Variants in CLUL1 observed in about 807,000 individuals in gnomAD.
The protein encoded by CLUL1 is clusterin-like protein 1.
CLUL1 carries 43 observed loss-of-function variants against 49.4 expected under a neutral mutation model. That is an observed-to-expected ratio of 0.87 (90% CI 0.68 to 1.12). The LOEUF is 1.12. CLUL1 is among the 50% of genes most tolerant of loss of function. The pLI, the probability that CLUL1 is intolerant of heterozygous loss-of-function variation, is 0.00. For synonymous variants in CLUL1, 192 were observed against 184.9 expected (o/e 1.04, Z -0.31); for missense variants, 486 against 544.4 (o/e 0.89, Z 1.07).
Position 606,388 on chromosome 18 carries a change from C to T in CLUL1, c.-135-590C>T, listed in dbSNP as rs1401164069. Among the ~76,000 whole-genome samples the T allele has an allele frequency of 6.6e-6, 1 of 152,232 alleles. No individual in the cohort carries two copies. Among genetic ancestry groups the T allele is most frequent in the African/African-American group, 2.4e-5 (1 of 41,462 alleles). The stretch of plus-strand genomic sequence containing the variant: ...TGTCACCAACCTTTCTCTGAGGGAA[C>T]CTACTGGCCACCTCCCTCTTAGGAC... On this transcript the variant is annotated intron_variant, in intron 1 of 9. Coordinates refer to ENST00000692774, the MANE Select transcript of CLUL1 (RefSeq NM_001393344.1). This position sits in a 1 kb window ranked among gnomAD's most constrained non-coding sequence, Gnocchi z 4.1.
chr18:626,861 A>C (rs1050516561), intron 5 of CLUL1, among the ~76,000 whole-genome samples: 1 of 107,386 alleles, frequency 9.3e-6, no homozygotes, highest in Non-Finnish European at 1.9e-5. Context: ...ACTCCATCTC[A>C]AATAAGAAAG....
chr18:611,757 A>G (rs1320156495), intron 2 of CLUL1, among the ~76,000 whole-genome samples: 1 of 152,190 alleles, frequency 6.6e-6, no homozygotes, highest in Non-Finnish European at 1.5e-5. Context: ...AGTAAGAAAG[A>G]GGATAGAAAG....
At chr18:649,846 T>G (rs3198760) in intron 9 of CLUL1, 52 bp from the exon 10 acceptor site, 1 of 1,148,578 alleles carries the variant, frequency 8.7e-7, no homozygotes, top group Non-Finnish European at 1.3e-6. Context: ...ACTGAGTCTG[T>G]GAGTAATTTA....
intron 4 of CLUL1, among the ~76,000 whole-genome samples, chr18:622,637 T>C (rs2073526523): frequency 6.6e-6 from 1 of 152,208 alleles, no homozygotes; most frequent in South Asian, 2.1e-4. Flanking sequence ...CTTCCAAAAC[T>C]TGGGACCTGT....
At chr18:621,026 A>G (rs1415745785) in intron 4 of CLUL1, among the ~76,000 whole-genome samples, 1 of 152,188 alleles carries the variant, frequency 6.6e-6, no homozygotes, top group East Asian at 1.9e-4. Context: ...TAAAATACAT[A>G]TAACAAAATT....
rs182875628 is a variant in CLUL1 at position 632,006 on chromosome 18, A to G, written c.857-1292A>G. ...ATGCCATTCTATCGAACAGTGCTTC[A>G]CTGTTTTTAAACTATGGACTTTGCA... On this transcript the variant is annotated intron_variant, in intron 6 of 9. Transcript: ENST00000692774. Among the ~76,000 whole-genome samples, 287 of 152,318 alleles carry G rather than the reference A, an allele frequency of 1.9e-3. 5 individuals are homozygous for G. In the South Asian group the frequency reaches 0.029, roughly 16 times the overall value.
intron 8 of CLUL1, among the ~76,000 whole-genome samples, chr18:643,007 T>C (rs1220389242): frequency 1.3e-5 from 2 of 152,228 alleles, no homozygotes; most frequent in Admixed American, 6.5e-5. Flanking sequence ...ATTAGACTTA[T>C]GGCATTCTAT....
chr18:617,932 C>T, intron 2 of CLUL1, 56 bp from the exon 3 acceptor site: 1 of 1,475,150 alleles, frequency 6.8e-7, no homozygotes, highest in Non-Finnish European at 9.4e-7. Flanking sequence ...CAATTGATGC[C>T]AACAGAAACT....
At chr18:628,166 C>G (rs1172146601) in intron 6 of CLUL1, among the ~76,000 whole-genome samples, 1 of 152,216 alleles carries the variant, frequency 6.6e-6, no homozygotes, top group Non-Finnish European at 1.5e-5. Flanking sequence ...ATGCTCAGCT[C>G]TATTCTGCTA....
chr18:597,215 C>T (rs1024585952), intron 1 of CLUL1, 86 bp downstream of exon 1: 3 of 152,888 alleles, frequency 2.0e-5, no homozygotes, highest in African/African-American at 7.2e-5. Context: ...GCTCCCAAGT[C>T]CAAGGCCGAG....
Position 607,092 on chromosome 18 carries a change from GACT to G in CLUL1, c.-18_-16del, listed in dbSNP as rs1441168540. On this transcript the variant is annotated 5_prime_UTR_variant, in exon 2 of 10. Transcript: ENST00000692774. ...CTACCTCAGCCCCATGAGGACCTGG[GACT>G]ACAGGTATGCACCGCTATACCCGTC... The G allele has an allele frequency of 1.4e-6, 1 of 701,748 alleles. No homozygotes were observed. Among genetic ancestry groups the G allele is most frequent in the Non-Finnish European group, 2.6e-6 (1 of 384,714 alleles). The allele number at this position is 701,748 out of a possible 1,614,324, so 43.5% of individuals were successfully genotyped here. A position where few individuals can be genotyped will look rare whatever the true frequency, so the allele number is the denominator to read the frequency against.
rs867957614 is a variant in CLUL1 at position 633,356 on chromosome 18, T to A, written c.915T>A (p.Cys305Ter). Residue 305 changes from cysteine to a stop codon, truncating the protein, a stop_gained, in exon 7 of 10, where the codon TGT becomes TGA. Transcript: ENST00000692774. LOFTEE classifies it high-confidence loss of function. ...KMLPGQDRGL[C>*]GELDQNLSRC... is the part of the protein sequence containing the mutation. Reference sequence around the variant, plus strand: ...TACCTGGGCAGGACAGAGGACTGTGTGGGGAACTTGACCAGAATTTGTCAA... The same window carrying A: ...TACCTGGGCAGGACAGAGGACTGTGAGGGGAACTTGACCAGAATTTGTCAA... 10 of 1,613,856 alleles carry A rather than the reference T, an allele frequency of 6.2e-6. No individual in the cohort carries two copies. The highest frequency in any genetic ancestry group is 3.3e-4 in the Middle Eastern group (2 of 6,060).
At chr18:645,271 A>C (rs936451977) in intron 9 of CLUL1, 174 bp downstream of exon 9, 16 of 483,844 alleles carry the variant, frequency 3.3e-5, no homozygotes, top group Admixed American at 8.1e-5. Flanking sequence ...TTAAAAAAAA[A>C]CCCAGGAAAT....
chr18:597,938 C>T (rs551285457), intron 1 of CLUL1: 2 of 152,270 alleles, frequency 1.3e-5, no homozygotes, highest in Non-Finnish European at 2.9e-5. Flanking sequence ...TACCTTAAAC[C>T]GATTACTCTA....
rs773779967 is a variant in CLUL1, at chr18:633,309, G to A, written c.868G>A (p.Gly290Arg). The A allele has an allele frequency of 1.1e-5, 17 of 1,612,290 alleles. No homozygotes were observed. The highest frequency in any genetic ancestry group is 5.0e-5 in the Admixed American group (3 of 59,800). ...LPKQDKAPDH[G>R]GLISKMLPGQ... is the part of the protein sequence containing the mutation. ...TATGTTCCCTGTAGCTCCTGACCAC[G>A]GAGGCCTGATTTCAAAGATGTTACC... Residue 290 changes from glycine to arginine, a missense_variant, in exon 7 of 10, where the codon GGA becomes AGA. Transcript: ENST00000692774.
chr18:608,108 G>C (rs1367212714), intron 2 of CLUL1, among the ~76,000 whole-genome samples: 1 of 152,164 alleles, frequency 6.6e-6, no homozygotes, highest in Non-Finnish European at 1.5e-5. Flanking sequence ...GTGAGGCTGT[G>C]CTGGGTGCTC....
intron 2 of CLUL1, among the ~76,000 whole-genome samples, chr18:614,143 T>C (rs1395252819): frequency 1.3e-5 from 2 of 152,224 alleles, no homozygotes; most frequent in East Asian, 3.8e-4. Flanking sequence ...CCATCGGTCC[T>C]TTCCAGCAAG....
chr18:618,111 G>A lies in CLUL1; in HGVS notation c.106+5G>A, dbSNP rs749716302. ...CTATCAGTGAAAACCTGAAGAGTAC[G>A]TTTGGTTTCTTATCTGTGCTGTGTC... On this transcript the variant is annotated splice_donor_5th_base_variant and intron_variant, in intron 3 of 9. Coordinates refer to ENST00000692774, the MANE Select transcript of CLUL1 (RefSeq NM_001393344.1). This position sits in a 1 kb window ranked among gnomAD's most constrained non-coding sequence, Gnocchi z 4.2. 4 of 1,605,422 alleles carry A rather than the reference G, an allele frequency of 2.5e-6. No individual in the cohort carries two copies. Among genetic ancestry groups the A allele is most frequent in the South Asian group, 2.2e-5 (2 of 90,888 alleles).
At chr18:614,303 GAGGA>G (rs1312189773) in intron 2 of CLUL1, among the ~76,000 whole-genome samples, 5 of 139,904 alleles carry the variant, frequency 3.6e-5, no homozygotes, top group East Asian at 2.4e-4. Context: ...AGAAGGAAGG[GAGGA>G]AGGAAGGGAG....
Sources: allele counts gnomAD v4.1 joint callset (sites outside exome capture counted in the v4.1 genomes callset), GRCh38; gene constraint gnomAD v4.1.1; non-coding constraint Gnocchi (gnomAD v3.1); transcripts MANE v1.5; gene names NCBI Gene and HGNC (gene_info 2026-07-23, HGNC 2026-07-21).